CCZ1: variants seen among roughly 807,000 people sequenced by gnomAD.
The protein encoded by CCZ1 is CCZ1 vacuolar protein trafficking and biogenesis associated.
In CCZ1, 19 loss-of-function variants were observed where a neutral mutation model predicts 57.8. The observed-to-expected ratio is 0.33, with a 90% CI of 0.23 to 0.48. The LOEUF is 0.48. Among genes scored for constraint, CCZ1 ranks in the 20% least tolerant of loss-of-function variants. CCZ1 has a pLI of 0.99. For missense variants in CCZ1, 200 were observed against 492.0 expected, an observed-to-expected ratio of 0.41 and a Z score of 5.61; for synonymous variants, 81 against 167.0, an observed-to-expected ratio of 0.49 and a Z score of 3.97.
At chr7:5,914,740 G>A (rs1779115981) in intron 10 of CCZ1, among the ~76,000 whole-genome samples, 1 of 148,422 alleles carries the variant, frequency 6.7e-6, no homozygotes, top group Non-Finnish European at 1.5e-5. Context: ...GCCAGGCGAG[G>A]TGGCACACGC....
intron 8 of CCZ1, among the ~76,000 whole-genome samples, chr7:5,910,439 G>T (rs1288348997): frequency 6.7e-6 from 1 of 148,960 alleles, no homozygotes; most frequent in Admixed American, 6.6e-5. Context: ...AATTCTCCTT[G>T]CCTCGGCCTC....
chr7:5,910,085 C>G lies in CCZ1; in HGVS notation c.749C>G (p.Thr250Ser), dbSNP rs368007016. ...DMRILYKYLT[T>S]SLFPRHIEPE... ...AGAATTTTATACAAATACCTTACCA[C>G]CTCCCTTTTTCCAAGGCACATCGAA... is the stretch of plus-strand genomic sequence containing the variant. Residue 250 changes from threonine (T) to serine (S), a missense_variant, in exon 8 of 15, where the codon ACC (threonine) becomes AGC (serine). By Grantham distance (58) the Thr-to-Ser change is moderately conservative. This residue lies in a region of CCZ1 where 128 missense variants were observed against 178.4 expected (regional missense o/e 0.72). Coordinates refer to ENST00000325974, the MANE Select transcript of CCZ1 (RefSeq NM_015622.6). The G allele has an allele frequency of 3.7e-5, 58 of 1,568,310 alleles. 3 individuals carry two copies. In the African/African-American group the frequency reaches 7.0e-4, roughly 19 times the overall value.
chr7:5,910,792 G>A lies in CCZ1; in HGVS notation c.780+676G>A, dbSNP rs369857870. 1.4e-4 allele frequency among the ~76,000 whole-genome samples: 21 copies of A among 146,958 alleles called. 1 individual carries two copies. The highest frequency in any genetic ancestry group is 5.1e-4 in the African/African-American group (20 of 39,550). On this transcript the variant is annotated intron_variant, in intron 8 of 14. Transcript: ENST00000325974. ...TTCTTTTCGCCCAGGCTGGAGTGCAGTAGTGCAATCTCAGCTCACTGCAAC... is the reference window on the plus strand; with the variant it reads ...TTCTTTTCGCCCAGGCTGGAGTGCAATAGTGCAATCTCAGCTCACTGCAAC...
chr7:5,906,987 C>T (rs1781844250), intron 7 of CCZ1, among the ~76,000 whole-genome samples: 1 of 149,118 alleles, frequency 6.7e-6, no homozygotes, highest in African/African-American at 2.5e-5. Flanking sequence ...CCTGCCTCAG[C>T]CTCCCGAGTA....
At chr7:5,923,093 T>C (rs367633887) in intron 12 of CCZ1, among the ~76,000 whole-genome samples, 98,566 of 109,082 alleles carry the variant, frequency 0.9, 44,356 homozygotes, top group South Asian at 0.96. Flanking sequence ...CCAAGGCGGG[T>C]GGATCACAAG....
At chr7:5,925,478 A>AAAC in intron 14 of CCZ1, 154 bp from the exon 15 acceptor site, 2 of 784,620 alleles carry the variant, frequency 2.5e-6, no homozygotes, top group African/African-American at 3.7e-5. Flanking sequence ...AACAAAAAAA[A>AAAC]AAAAAAAAAA....
intron 5 of CCZ1, 39 bp from the exon 6 acceptor site, chr7:5,902,622 G>A (rs1781710206): frequency 6.4e-7 from 1 of 1,553,824 alleles, no homozygotes. Context: ...GTGAGCATAG[G>A]AAACTGATTT....
At chr7:5,911,836 T>G (rs754116221) in intron 8 of CCZ1, 25 bp from the exon 9 acceptor site, 1 of 1,499,360 alleles carries the variant, frequency 6.7e-7, no homozygotes, top group East Asian at 2.4e-5. Flanking sequence ...TGATAAGTCA[T>G]TCTCAACATT....
In CCZ1 at chr7:5,915,778, A is replaced by ACCC. The variant is rs375713153; in HGVS notation, c.954+2827_954+2829dup. The stretch of plus-strand genomic sequence containing the variant: ...CGAGCCAAAGGCCATGTGTTCCAAA[A>ACCC]CCCCCGGGAGGTGCCTGAAACCGGG... On this transcript the variant is annotated intron_variant, in intron 10 of 14. Transcript: ENST00000325974. Among the ~76,000 whole-genome samples, 237 of 111,444 alleles carry ACCC rather than the reference A, an allele frequency of 2.1e-3. 1 individual carries two copies. The highest frequency in any genetic ancestry group is 6.3e-3 in the African/African-American group (205 of 32,512). The allele number at this position is 111,444 out of a possible 152,430, so 73.1% of individuals were successfully genotyped here. A position where few individuals can be genotyped will look rare whatever the true frequency, so the allele number is the denominator to read the frequency against.
chr7:5,914,675 G>A lies in CCZ1; in HGVS notation c.954+1721G>A, dbSNP rs1228919435. On this transcript the variant is annotated intron_variant, in intron 10 of 14. Transcript: ENST00000325974. ...GGATCACCTGAGGTCTGGAGTTCGA[G>A]ACCAGCCTGGCCAACATGGGGAAAC... Among the ~76,000 whole-genome samples the A allele has an allele frequency of 9.4e-5, 14 of 149,020 alleles. 1 individual carries two copies. The highest frequency in any genetic ancestry group is 1.6e-4 in the Non-Finnish European group (11 of 67,724).
chr7:5,909,229 G>A (rs548511841), intron 7 of CCZ1, among the ~76,000 whole-genome samples: 4 of 147,940 alleles, frequency 2.7e-5, no homozygotes, highest in Middle Eastern at 3.4e-3. Context: ...CCTTAACTTC[G>A]CAGTCAGGTG....
rs527370936 is a variant in CCZ1, at chr7:5,916,615, C to G, written c.955-2252C>G. On this transcript the variant is annotated intron_variant, in intron 10 of 14. Transcript: ENST00000325974. ...TGTGGACAGCCCAGTGAGTGTTTCCCCATCGAGGATGTGTGGCTGTCTCTA... is the reference window on the plus strand; with the variant it reads ...TGTGGACAGCCCAGTGAGTGTTTCCGCATCGAGGATGTGTGGCTGTCTCTA... Among the ~76,000 whole-genome samples, 357 of 146,458 alleles carry G rather than the reference C, an allele frequency of 2.4e-3. 9 individuals are homozygous for G. Among genetic ancestry groups the G allele is most frequent in the Non-Finnish European group, 3.9e-3 (264 of 67,198 alleles).
At chr7:5,915,324 T>C (rs62453614) in intron 10 of CCZ1, among the ~76,000 whole-genome samples, 4 of 137,356 alleles carry the variant, frequency 2.9e-5, no homozygotes, top group Non-Finnish European at 1.6e-5. Flanking sequence ...GTAGGAAGAA[T>C]GTCCGTTTGT....
chr7:5,923,204 CT>C (rs1779283358), intron 12 of CCZ1, among the ~76,000 whole-genome samples, 182 bp from the exon 13 acceptor site: 1 of 83,398 alleles, frequency 1.2e-5, no homozygotes, highest in Non-Finnish European at 2.4e-5. Context: ...GTAATCCCAG[CT>C]ACTCAGGAGG....
At chr7:5,909,429 C>G (rs1446964908) in intron 7 of CCZ1, among the ~76,000 whole-genome samples, 1 of 150,386 alleles carries the variant, frequency 6.6e-6, no homozygotes, top group East Asian at 2.0e-4. Flanking sequence ...AGGCCAGGCA[C>G]AGTGGCTCAC....
At chr7:5,916,626 G>C (rs1216309191) in intron 10 of CCZ1, among the ~76,000 whole-genome samples, 2 of 147,680 alleles carry the variant, frequency 1.4e-5, no homozygotes, top group East Asian at 3.9e-4. Context: ...CATCGAGGAT[G>C]TGTGGCTGTC....
intron 7 of CCZ1, among the ~76,000 whole-genome samples, chr7:5,907,835 A>T (rs1194155257): frequency 1.9e-3 from 133 of 68,856 alleles, no homozygotes; most frequent in South Asian, 2.8e-3. Flanking sequence ...CAATGCTTAC[A>T]CCTGTCATCC....
At chr7:5,912,029 C>T (rs1779050371) in intron 9 of CCZ1, 107 bp downstream of exon 9, 1 of 1,581,192 alleles carries the variant, frequency 6.3e-7, no homozygotes, top group Non-Finnish European at 8.6e-7. Flanking sequence ...TCTCCGCTCA[C>T]TGCAACCTCC....
intron 12 of CCZ1, among the ~76,000 whole-genome samples, chr7:5,922,683 A>G (rs1300049612): frequency 6.6e-6 from 1 of 151,416 alleles, no homozygotes; most frequent in East Asian, 1.9e-4. Context: ...TAAAATGTTC[A>G]TCAGACTGCA....
Sources: gnomAD v4.1 joint callset for allele counts (sites outside exome capture counted in the v4.1 genomes callset) on GRCh38, gnomAD v4.1.1 for gene constraint, gnomAD v4.1.1 regional missense constraint, MANE v1.5 for transcripts, NCBI Gene and HGNC (gene_info 2026-07-23, HGNC 2026-07-21) for gene names.